ARB2A: variants seen among roughly 807,000 people sequenced by gnomAD.
The protein encoded by ARB2A is cotranscriptional regulator ARB2A.
chr5:93,933,494 C>T, the ARB2A span, among the ~76,000 whole-genome samples: 4 of 152,100 alleles, frequency 2.6e-5, no homozygotes, highest in Non-Finnish European at 4.4e-5. Context: ...GAGTTCATGT[C>T]CTTTGCAGGG....
chr5:93,704,209 A>G, the ARB2A span, among the ~76,000 whole-genome samples: 1 of 152,218 alleles, frequency 6.6e-6, no homozygotes, highest in African/African-American at 2.4e-5. Context: ...ACTGTTAAGT[A>G]TGAGATGATG....
chr5:94,080,522 A>T, the ARB2A span, among the ~76,000 whole-genome samples: 1 of 152,184 alleles, frequency 6.6e-6, no homozygotes, highest in Non-Finnish European at 1.5e-5. Context: ...TGCCCCTTCA[A>T]GGAGAATGTG....
chr5:93,780,785 T>C, the ARB2A span, among the ~76,000 whole-genome samples: 2 of 151,960 alleles, frequency 1.3e-5, no homozygotes, highest in Non-Finnish European at 2.9e-5. Flanking sequence ...GATTGAACCC[T>C]TGACCTCAGA....
the ARB2A span, among the ~76,000 whole-genome samples, chr5:93,823,962 T>C: frequency 6.6e-6 from 1 of 151,708 alleles, no homozygotes; most frequent in African/African-American, 2.4e-5. Context: ...AAAATAATAA[T>C]AATATTAATA....
chr5:93,892,881 C>T, the ARB2A span, among the ~76,000 whole-genome samples: 1 of 152,154 alleles, frequency 6.6e-6, no homozygotes, highest in South Asian at 2.1e-4. Context: ...ACTTAGCATA[C>T]TTCCTCTGTC....
the ARB2A span, among the ~76,000 whole-genome samples, chr5:93,719,356 T>C: frequency 3.9e-5 from 6 of 152,204 alleles, no homozygotes; most frequent in Admixed American, 3.9e-4. Context: ...AGAAATCATC[T>C]ACCTAACCAT....
chr5:94,041,521 TTAATAA>T, the ARB2A span, among the ~76,000 whole-genome samples: 2,142 of 152,286 alleles, frequency 0.014, 23 homozygotes, highest in Admixed American at 0.019. Context: ...ATTAATTGAT[TTAATAA>T]TAATAAGAGC....
At chr5:93,989,001 G>A in the ARB2A span, among the ~76,000 whole-genome samples, 1 of 152,138 alleles carries the variant, frequency 6.6e-6, no homozygotes, top group Non-Finnish European at 1.5e-5. Context: ...TGCTGAGGGA[G>A]AGGGAGAGTG....
the ARB2A span, among the ~76,000 whole-genome samples, chr5:93,872,230 G>A: frequency 3.3e-5 from 5 of 152,170 alleles, no homozygotes; most frequent in Non-Finnish European, 2.9e-5. Flanking sequence ...TTACAGGCAC[G>A]AGCCACTGTG....
the ARB2A span, chr5:93,620,688 G>A: frequency 3.7e-5 from 10 of 266,686 alleles, no homozygotes; most frequent in East Asian, 6.7e-4. Context: ...TCTCCTTCAG[G>A]GCAATTAGAG....
chr5:93,877,856 A>G, the ARB2A span, among the ~76,000 whole-genome samples: 1 of 152,158 alleles, frequency 6.6e-6, no homozygotes, highest in Non-Finnish European at 1.5e-5. Flanking sequence ...TCCATAAAGC[A>G]CAAAGTTTGT....
chr5:94,067,253 T>G, the ARB2A span, among the ~76,000 whole-genome samples: 1 of 152,202 alleles, frequency 6.6e-6, no homozygotes, highest in Admixed American at 6.5e-5. Flanking sequence ...GGAGAAAAGT[T>G]GAAAGCTTTT....
chr5:94,042,492 A>C, the ARB2A span, among the ~76,000 whole-genome samples: 1 of 151,928 alleles, frequency 6.6e-6, no homozygotes, highest in African/African-American at 2.4e-5. Context: ...TTTTTAGTAG[A>C]GATGGGTTTT....
the ARB2A span, among the ~76,000 whole-genome samples, chr5:93,669,421 G>C: frequency 7.2e-5 from 11 of 152,114 alleles, no homozygotes; most frequent in Non-Finnish European, 1.5e-4. Flanking sequence ...AGTTATGAGA[G>C]GCACTGTTTT....
chr5:93,741,695 T>A, the ARB2A span: 1 of 1,082,820 alleles, frequency 9.2e-7, no homozygotes, highest in East Asian at 2.6e-5. Context: ...TGCCTGTGCG[T>A]AGGCGGGGAA....
chr5:93,912,672 T>C, the ARB2A span, among the ~76,000 whole-genome samples: 13,534 of 151,888 alleles, frequency 0.089, 774 homozygotes, highest in Middle Eastern at 0.16. Flanking sequence ...TAAGAAATAT[T>C]AAATGCATTT....
At chr5:94,074,341 A>G in the ARB2A span, among the ~76,000 whole-genome samples, 2 of 152,076 alleles carry the variant, frequency 1.3e-5, no homozygotes, top group Non-Finnish European at 2.9e-5. Flanking sequence ...AGCAGAAAAC[A>G]TAAGGTAAAG....
At chr5:93,652,733 C>G in the ARB2A span, among the ~76,000 whole-genome samples, 1 of 152,174 alleles carries the variant, frequency 6.6e-6, no homozygotes, top group East Asian at 1.9e-4. Context: ...CTTCGATGTG[C>G]TGATGTACAC....
At chr5:93,925,054 A>G in the ARB2A span, among the ~76,000 whole-genome samples, 1 of 152,156 alleles carries the variant, frequency 6.6e-6, no homozygotes, top group Non-Finnish European at 1.5e-5. Context: ...AAAATTTTCA[A>G]AATTTTCAAA....
Sources: gnomAD v4.1 joint callset for allele counts (sites outside exome capture counted in the v4.1 genomes callset) on GRCh38, gnomAD v4.1.1 for gene constraint, MANE v1.5 for transcripts, NCBI Gene and HGNC (gene_info 2026-07-23, HGNC 2026-07-21) for gene names.